AMDHD2: variants seen among roughly 807,000 people sequenced by gnomAD.
AMDHD2 encodes the protein amidohydrolase domain containing 2.
A neutral mutation model predicts 41.8 loss-of-function variants in AMDHD2; 24 were observed. That is an observed-to-expected ratio of 0.57 (90% CI 0.42 to 0.81). The LOEUF (loss-of-function observed/expected upper bound fraction) is 0.81. Among genes scored for constraint, AMDHD2 ranks in the 30% least tolerant of loss-of-function variants. The probability of loss-of-function intolerance (pLI) is 0.00; values close to 1 mark genes in which losing one functional copy is unlikely to be tolerated. For synonymous variants in AMDHD2, 332 were observed against 255.5 expected, an observed-to-expected ratio of 1.30 and a Z score of -2.85; for missense variants, 540 against 588.5, an observed-to-expected ratio of 0.92 and a Z score of 0.85.
chr16:2,530,509 C>G lies in AMDHD2; in HGVS notation c.*946C>G, dbSNP rs375161191. The G allele has an allele frequency of 6.2e-7, 1 of 1,614,048 alleles. No homozygotes were observed. Among genetic ancestry groups the G allele is most frequent in the Non-Finnish European group, 8.5e-7 (1 of 1,180,010 alleles). ...GACGTCAGGGATTGGTGCAGCCCCA[C>G]GTCAGGGGTGATTGTCTTGACTTTC... On this transcript the variant is annotated 3_prime_UTR_variant, in exon 11 of 11. Coordinates refer to ENST00000293971, the MANE Select transcript of AMDHD2 (RefSeq NM_001330449.2).
rs1168670667 is a variant in AMDHD2, at chr16:2,528,443, C to T, written c.863-9C>T. 8.7e-6 allele frequency: 14 copies of T among 1,612,822 alleles called. No individual in the cohort carries two copies. The highest frequency in any genetic ancestry group is 1.2e-5 in the Non-Finnish European group (14 of 1,179,928). On this transcript the variant is annotated splice_polypyrimidine_tract_variant and intron_variant, in intron 7 of 10. Transcript: ENST00000293971. ...TGGGCTAGCAGGTTCTGAGCCTCTT[C>T]TCCCCCAGGGCTGGTGCTGGTCACC...
intron 10 of AMDHD2, 87 bp from the exon 11 acceptor site, chr16:2,529,388 C>G: frequency 1.3e-6 from 2 of 1,579,828 alleles, no homozygotes; most frequent in Non-Finnish European, 1.7e-6. Flanking sequence ...TCAGTTTCCC[C>G]ACCAGCGTCG....
chr16:2,528,522 G>A lies in AMDHD2; in HGVS notation c.933G>A (p.Gln311=), dbSNP rs761999997. ...LGNGRHTLGQ[Q]EVEVDGLTAY... is the part of the protein sequence containing the mutation. ...ACGGCCGGCACACGCTGGGACAGCA[G>A]GAAGTGGAAGTGGACGGTCTGACGG... Residue 311 remains glutamine (Q), a synonymous_variant, in exon 8 of 11, where the codon CAG becomes CAA. Coordinates refer to ENST00000293971, the MANE Select transcript of AMDHD2 (RefSeq NM_001330449.2). 5 of 1,612,676 alleles carry A rather than the reference G, an allele frequency of 3.1e-6. No individual in the cohort carries two copies. Among genetic ancestry groups the A allele is most frequent in the Non-Finnish European group, 4.2e-6 (5 of 1,179,932 alleles).
At chr16:2,528,584 C>G (rs1284018547) in intron 8 of AMDHD2, 25 bp downstream of exon 8, 1 of 1,612,658 alleles carries the variant, frequency 6.2e-7, no homozygotes, top group South Asian at 1.1e-5. Flanking sequence ...CCACTGGGTC[C>G]CAGGTCCCAG....
Position 2,527,291 on chromosome 16 carries a change from G to A in AMDHD2, c.361-270G>A, listed in dbSNP as rs532338648. 5.3e-5 allele frequency among the ~76,000 whole-genome samples: 8 copies of A among 151,756 alleles called. 1 individual carries two copies. In the South Asian group the frequency reaches 1.5e-3, roughly 28 times the overall value. On this transcript the variant is annotated intron_variant, in intron 3 of 10. Transcript: ENST00000293971. This position sits in a 1 kb window ranked among gnomAD's most constrained non-coding sequence, Gnocchi z 6.1. ...TCCCAGCCCTGCTCCCTGGGCTGCT[G>A]TGCCCAGGGCCACCCTCAGTGCCCA...
intron 3 of AMDHD2, among the ~76,000 whole-genome samples, chr16:2,524,262 C>T (rs993116364): frequency 6.6e-6 from 1 of 152,224 alleles, no homozygotes; most frequent in Non-Finnish European, 1.5e-5. Context: ...CTGTTCTGGT[C>T]CATTAAGACC....
intron 1 of AMDHD2, 60 bp downstream of exon 1, chr16:2,520,601 GGGGACCGGGCGGGGTGCAGGGTGC>G: frequency 8.4e-7 from 1 of 1,186,258 alleles, no homozygotes; most frequent in Non-Finnish European, 1.0e-6. Context: ...GTGCGGGGCC[GGGGACCGGGCGGGGTGCAGGGTGC>G]GGGGCCGGGG....
At chr16:2,520,956 T>C in intron 2 of AMDHD2, 28 bp from the exon 3 acceptor site, 4 of 1,597,388 alleles carry the variant, frequency 2.5e-6, no homozygotes, top group Non-Finnish European at 2.6e-6. Context: ...CTGAGCTCCA[T>C]GCGACACTTC....
Position 2,529,031 on chromosome 16 carries a change from G to T in AMDHD2, c.1077G>T (p.Leu359=). The change falls in exon 10 of 11, where the codon CTG becomes CTT. Residue 359 remains leucine (L), a synonymous_variant. Transcript: ENST00000293971. ...AGTCGGCCCTGGAGGCTGCATCCCTGCACCCCGCCCAGTTGCTGGGGCTGG... is the reference window on the plus strand; with the variant it reads ...AGTCGGCCCTGGAGGCTGCATCCCTTCACCCCGCCCAGTTGCTGGGGCTGG... ...SMESALEAAS[L]HPAQLLGLEK... is the part of the protein sequence containing the mutation. 1 of 1,596,930 alleles carries T rather than the reference G, an allele frequency of 6.3e-7. No homozygotes were observed. The highest frequency in any genetic ancestry group is 8.5e-7 in the Non-Finnish European group (1 of 1,172,458).
At chr16:2,525,996 C>T (rs2065999129) in intron 3 of AMDHD2, among the ~76,000 whole-genome samples, 1 of 152,154 alleles carries the variant, frequency 6.6e-6, no homozygotes, top group South Asian at 2.1e-4. Flanking sequence ...CCTTTTTCTG[C>T]CATCCTATTC....
intron 3 of AMDHD2, 121 bp downstream of exon 3, chr16:2,521,244 C>T (rs1362208454): frequency 7.8e-7 from 1 of 1,275,254 alleles, no homozygotes; most frequent in Non-Finnish European, 1.0e-6. Flanking sequence ...AGTCTGGCCT[C>T]CTTTGATGAC....
In AMDHD2 at chr16:2,529,561, TG is replaced by T. The variant is rs1457290162; in HGVS notation, c.1229del (p.Ter410TyrfsTer6). The T allele has an allele frequency of 6.2e-7, 1 of 1,607,098 alleles. No homozygotes were observed. Among genetic ancestry groups the T allele is most frequent in the Non-Finnish European group, 8.5e-7 (1 of 1,179,896 alleles). On this transcript the variant is annotated frameshift_variant and stop_lost, in exon 11 of 11. Coordinates refer to ENST00000293971, the MANE Select transcript of AMDHD2 (RefSeq NM_001330449.2). LOFTEE classifies it high-confidence loss of function. ...GTGGCAGGCGGACGCAGCTAGGCAGTGACAAGGACCTCGGCTGAGAGGACAC... is the reference window on the plus strand; with the variant it reads ...GTGGCAGGCGGACGCAGCTAGGCAGTACAAGGACCTCGGCTGAGAGGACAC... Reference protein sequence around the residue: ...LVWQADAARQ* With the variant: ...LVWQADAARQX
rs745568841 is a variant in AMDHD2 at position 2,527,651 on chromosome 16, G to C, written c.415+36G>C. 13 of 1,596,578 alleles carry C rather than the reference G, an allele frequency of 8.1e-6. No homozygotes were observed. Among genetic ancestry groups the C allele is most frequent in the Non-Finnish European group, 8.5e-6 (10 of 1,172,686 alleles). On this transcript the variant is annotated intron_variant, in intron 4 of 10. Coordinates refer to ENST00000293971, the MANE Select transcript of AMDHD2 (RefSeq NM_001330449.2). The surrounding 1 kb of genome is among the most constrained non-coding windows in gnomAD (Gnocchi z 6.1). The stretch of plus-strand genomic sequence containing the variant: ...GACCTCCTCCCCGCCCCCACCCTGG[G>C]AGGCTCCTGCGGGACCTGTTGGCAG...
At chr16:2,528,173 C>T (rs374877330) in intron 6 of AMDHD2, 25 bp downstream of exon 6, 24 of 1,612,430 alleles carry the variant, frequency 1.5e-5, no homozygotes, top group South Asian at 2.2e-5. Flanking sequence ...GCCCCAGGGG[C>T]GGGGCTGGGG....
rs1457371026 is a variant in AMDHD2 at position 2,528,599 on chromosome 16, C to T, written c.970+40C>T. 5.6e-6 allele frequency: 9 copies of T among 1,612,720 alleles called. No homozygotes were observed. In the Admixed American group the frequency reaches 1.2e-4, roughly 21 times the overall value. On this transcript the variant is annotated intron_variant, in intron 8 of 10. Coordinates refer to ENST00000293971, the MANE Select transcript of AMDHD2 (RefSeq NM_001330449.2). ...CCACTGGGTCCCAGGTCCCAGCCCG[C>T]ATGCCAGGTGGCCCACGACCCCCCC... is the stretch of plus-strand genomic sequence containing the variant.
Position 2,527,842 on chromosome 16 carries a change from C to T in AMDHD2, c.485C>T (p.Ser162Phe), listed in dbSNP as rs1406321097. Residue 162 changes from serine (S) to phenylalanine (F), a missense_variant, in exon 5 of 11, where the codon TCC becomes TTC. By Grantham distance (155) the Ser-to-Phe change is radical. Coordinates refer to ENST00000293971, the MANE Select transcript of AMDHD2 (RefSeq NM_001330449.2). This position sits in a 1 kb window ranked among gnomAD's most constrained non-coding sequence, Gnocchi z 6.1. ...GCGCACCCCGAGGCCCACCTCCGCT[C>T]CTTCGAGGCCGATGCCTTCCAGGAC... ...RGAHPEAHLR[S>F]FEADAFQDLL... The T allele has an allele frequency of 3.1e-6, 5 of 1,596,956 alleles. No individual in the cohort carries two copies. In the South Asian group the frequency reaches 4.4e-5, roughly 14 times the overall value.
In AMDHD2 at chr16:2,527,763, C is replaced by G. The variant is rs1284459230; in HGVS notation, c.416-10C>G. 1 of 1,565,114 alleles carries G rather than the reference C, an allele frequency of 6.4e-7. No homozygotes were observed. The highest frequency in any genetic ancestry group is 8.6e-7 in the Non-Finnish European group (1 of 1,159,390). ...GGGACCTGCTGGAGCCACTTGCTCC[C>G]TCCTCCCAGGGCTGCACCTGGAGGG... On this transcript the variant is annotated splice_polypyrimidine_tract_variant and intron_variant, in intron 4 of 10. Coordinates refer to ENST00000293971, the MANE Select transcript of AMDHD2 (RefSeq NM_001330449.2). This position sits in a 1 kb window ranked among gnomAD's most constrained non-coding sequence, Gnocchi z 6.1.
rs2066066465 is a variant in AMDHD2, at chr16:2,530,160, T to C, written c.*597T>C. 2 of 1,442,472 alleles carry C rather than the reference T, an allele frequency of 1.4e-6. No individual in the cohort carries two copies. The highest frequency in any genetic ancestry group is 1.8e-6 in the Non-Finnish European group (2 of 1,094,006). The allele number at this position is 1,442,472 out of a possible 1,614,324, so 89.4% of individuals were successfully genotyped here. A position where few individuals can be genotyped will look rare whatever the true frequency, so the allele number is the denominator to read the frequency against. ...GGAGGGAGACTGGGCCCGGGACCCC[T>C]GTTTTCTGCTCCCTGGACTGCCTAG... On this transcript the variant is annotated 3_prime_UTR_variant, in exon 11 of 11. Transcript: ENST00000293971.
At chr16:2,520,945 T>C in intron 2 of AMDHD2, 39 bp from the exon 3 acceptor site, 1 of 1,597,564 alleles carries the variant, frequency 6.3e-7, no homozygotes, top group Non-Finnish European at 8.6e-7. Flanking sequence ...GGGGAGGAGC[T>C]CTGAGCTCCA....
Sources: gnomAD v4.1 joint callset for allele counts (sites outside exome capture counted in the v4.1 genomes callset) on GRCh38, gnomAD v4.1.1 for gene constraint, Gnocchi (gnomAD v3.1) non-coding constraint, MANE v1.5 for transcripts, NCBI Gene and HGNC (gene_info 2026-07-23, HGNC 2026-07-21) for gene names.